Variants in GRM7 observed in about 807,000 individuals in gnomAD.
The protein encoded by GRM7 is metabotropic glutamate receptor 7.
A neutral mutation model predicts 84.5 loss-of-function variants in GRM7; 35 were observed. The observed-to-expected ratio is 0.41, with a 90% CI of 0.32 to 0.55. The LOEUF (loss-of-function observed/expected upper bound fraction) is 0.55. Ranked by LOEUF, GRM7 falls within the 20% of genes least tolerant of loss-of-function variation. The pLI is 0.19. For synonymous variants in GRM7, 487 were observed against 455.1 expected (o/e 1.07, Z -0.89); for missense variants, 1,003 against 1,194.6 (o/e 0.84, Z 2.36).
At chr3:6,917,874 A>G (rs527933160) in intron 1 of GRM7, among the ~76,000 whole-genome samples, 1 of 152,296 alleles carries the variant, frequency 6.6e-6, no homozygotes, top group African/African-American at 2.4e-5. Flanking sequence ...AAAATAGTAC[A>G]GAAAGAAGTT....
At chr3:7,409,145 C>G (rs1046477686) in intron 4 of GRM7, among the ~76,000 whole-genome samples, 14 of 152,136 alleles carry the variant, frequency 9.2e-5, no homozygotes, top group Non-Finnish European at 1.5e-4. Flanking sequence ...AAACCTGGAG[C>G]TTGCTCTCGT....
chr3:7,372,431 T>C (rs1000316554), intron 4 of GRM7, among the ~76,000 whole-genome samples: 1 of 152,162 alleles, frequency 6.6e-6, no homozygotes, highest in South Asian at 2.1e-4. Flanking sequence ...TAAGACATGC[T>C]GGATTTTAGA....
chr3:6,923,566 C>T (rs1697197060), intron 1 of GRM7, among the ~76,000 whole-genome samples: 1 of 152,162 alleles, frequency 6.6e-6, no homozygotes, highest in African/African-American at 2.4e-5. Flanking sequence ...TTCATCTCCT[C>T]TGTTGGTTTT....
intron 8 of GRM7, among the ~76,000 whole-genome samples, chr3:7,581,026 G>T (rs899961591): frequency 6.6e-6 from 1 of 152,080 alleles, no homozygotes; most frequent in Admixed American, 6.6e-5. Flanking sequence ...CATGCAACAG[G>T]TTGAAGACAT....
At chr3:7,419,034 T>A (rs1307835734) in intron 5 of GRM7, among the ~76,000 whole-genome samples, 1 of 152,138 alleles carries the variant, frequency 6.6e-6, no homozygotes, top group Non-Finnish European at 1.5e-5. Flanking sequence ...AATGGAAATT[T>A]TCTGCTCTTC....
intron 2 of GRM7, among the ~76,000 whole-genome samples, chr3:7,233,905 C>A (rs1697270080): frequency 6.6e-6 from 1 of 152,086 alleles, no homozygotes; most frequent in Non-Finnish European, 1.5e-5. Context: ...GCAACCTAGG[C>A]TTTTCTTGAA....
At chr3:6,947,449 G>T (rs1319763605) in intron 1 of GRM7, among the ~76,000 whole-genome samples, 1 of 152,150 alleles carries the variant, frequency 6.6e-6, no homozygotes, top group Non-Finnish European at 1.5e-5. Context: ...GCTGGATTCG[G>T]TTTGCCAGTA....
intron 2 of GRM7, among the ~76,000 whole-genome samples, chr3:7,162,039 G>A (rs1008579817): frequency 3.3e-5 from 5 of 152,128 alleles, no homozygotes; most frequent in African/African-American, 1.2e-4. Flanking sequence ...TTTAGGTTGT[G>A]AACAACTAAT....
intron 7 of GRM7, among the ~76,000 whole-genome samples, chr3:7,465,023 C>T (rs1438988392): frequency 5.3e-5 from 8 of 152,152 alleles, no homozygotes; most frequent in East Asian, 3.9e-4. Context: ...AATTCCATTC[C>T]GTCTACTCCA....
intron 2 of GRM7, among the ~76,000 whole-genome samples, chr3:7,214,552 T>A (rs561749991): frequency 1.6e-4 from 24 of 152,228 alleles, no homozygotes; most frequent in Non-Finnish European, 2.4e-4. Context: ...ATATAAATGT[T>A]TGTTGAATGA....
intron 1 of GRM7, among the ~76,000 whole-genome samples, chr3:7,023,152 C>T (rs1335122992): frequency 1.3e-5 from 2 of 152,024 alleles, no homozygotes; most frequent in East Asian, 1.9e-4. Context: ...TGGAGTTGCC[C>T]TCAGAAAAAT....
intron 1 of GRM7, among the ~76,000 whole-genome samples, chr3:6,959,087 C>T (rs1317171666): frequency 1.3e-5 from 2 of 152,130 alleles, no homozygotes; most frequent in East Asian, 1.9e-4. Flanking sequence ...AAAGTGATAG[C>T]TATGCTTGAT....
chr3:7,185,140 C>T (rs1020702789), intron 2 of GRM7, among the ~76,000 whole-genome samples: 43 of 152,174 alleles, frequency 2.8e-4, no homozygotes, highest in African/African-American at 1.0e-3. Flanking sequence ...CTGATTTCTG[C>T]AAATGCGACC....
intron 1 of GRM7, among the ~76,000 whole-genome samples, chr3:7,012,872 C>A (rs1215935901): frequency 6.6e-6 from 1 of 152,132 alleles, no homozygotes; most frequent in African/African-American, 2.4e-5. Flanking sequence ...CCTTGAGTAA[C>A]TAGGACTACA....
At chr3:7,135,875 A>T (rs1204307120) in intron 1 of GRM7, among the ~76,000 whole-genome samples, 1 of 152,194 alleles carries the variant, frequency 6.6e-6, no homozygotes, top group East Asian at 1.9e-4. Flanking sequence ...CTAAGCTTGC[A>T]GTGGAGCAGT....
At chr3:6,902,879 ACACC>A (rs1398358736) in intron 1 of GRM7, among the ~76,000 whole-genome samples, 2 of 151,392 alleles carry the variant, frequency 1.3e-5, no homozygotes, top group Non-Finnish European at 2.9e-5. Context: ...ACACACACAC[ACACC>A]CCTACTCTAG....
At chr3:7,087,221 A>G (rs1431554678) in intron 1 of GRM7, among the ~76,000 whole-genome samples, 1 of 152,162 alleles carries the variant, frequency 6.6e-6, no homozygotes, top group Non-Finnish European at 1.5e-5. Context: ...AGATTAAGGA[A>G]TGTTCCTGGA....
chr3:7,032,442 A>C (rs9819573), intron 1 of GRM7, among the ~76,000 whole-genome samples: 65,570 of 152,002 alleles, frequency 0.43, 15,543 homozygotes, highest in East Asian at 0.52. Context: ...TGTAGAACCT[A>C]ATACGTGTTC....
At chr3:7,544,840 A>C (rs1693062812) in intron 7 of GRM7, among the ~76,000 whole-genome samples, 1 of 152,182 alleles carries the variant, frequency 6.6e-6, no homozygotes, top group Admixed American at 6.5e-5. Context: ...TTTGTATATC[A>C]ATTTCTGCAA....
Sources: gnomAD v4.1 joint callset for allele counts (sites outside exome capture counted in the v4.1 genomes callset) on GRCh38, gnomAD v4.1.1 for gene constraint, MANE v1.5 for transcripts, NCBI Gene and HGNC (gene_info 2026-07-23, HGNC 2026-07-21) for gene names.